CELSR1: variants seen among roughly 807,000 people sequenced by gnomAD.
CELSR1 encodes adhesion G protein-coupled receptor C1.
CELSR1 carries 110 observed loss-of-function variants against 249.1 expected under a neutral mutation model. That is an observed-to-expected ratio of 0.44 (90% CI 0.38 to 0.52). The LOEUF is 0.52. Ranked by LOEUF, CELSR1 falls within the 20% of genes least tolerant of loss-of-function variation. CELSR1 has a pLI of 0.00. For synonymous variants in CELSR1, 2,113 were observed against 1,900.0 expected, an observed-to-expected ratio of 1.11 and a Z score of -2.92; for missense variants, 4,109 against 4,296.4, an observed-to-expected ratio of 0.96 and a Z score of 1.22.
chr22:46,504,726 G>A (rs183334980), intron 1 of CELSR1, among the ~76,000 whole-genome samples: 46 of 152,148 alleles, frequency 3.0e-4, no homozygotes, highest in Non-Finnish European at 5.7e-4. Context: ...AAATATTCCC[G>A]AGGCCATTTG....
intron 5 of CELSR1, among the ~76,000 whole-genome samples, chr22:46,425,213 G>A (rs1021113407): frequency 2.6e-5 from 4 of 152,190 alleles, no homozygotes; most frequent in Admixed American, 2.6e-4. Flanking sequence ...AGGTTTCTGT[G>A]TCAACATGAA....
At chr22:46,530,464 G>A (rs887477130) in intron 1 of CELSR1, 1 of 151,936 alleles carries the variant, frequency 6.6e-6, no homozygotes, top group Non-Finnish European at 1.5e-5. Flanking sequence ...GCACATTCAA[G>A]GCTTGAGTTG....
intron 19 of CELSR1, among the ~76,000 whole-genome samples, chr22:46,385,457 T>C (rs1409950640): frequency 1.3e-5 from 2 of 152,144 alleles, no homozygotes; most frequent in Admixed American, 6.5e-5. Flanking sequence ...TACTTACACC[T>C]GTCTACAGTG....
chr22:46,398,480 T>G lies in CELSR1; in HGVS notation c.5526+44A>C. 1.4e-6 allele frequency: 2 copies of G among 1,429,646 alleles called. No individual in the cohort carries two copies. The highest frequency in any genetic ancestry group is 1.9e-6 in the Non-Finnish European group (2 of 1,036,574). The allele number at this position is 1,429,646 out of a possible 1,614,324, so 88.6% of individuals were successfully genotyped here. On this transcript the variant is annotated intron_variant, in intron 11 of 34. Coordinates refer to ENST00000674500, the MANE Select transcript of CELSR1 (RefSeq NM_001378328.1). The surrounding 1 kb of genome is among the most constrained non-coding windows in gnomAD (Gnocchi z 7.2). ...TGGTGCTGCCAGCCTCGGAGCTGCCTGTGAGGGGCAGGCCTCCCCCCGCCC... is the reference window on the plus strand; with the variant it reads ...TGGTGCTGCCAGCCTCGGAGCTGCCGGTGAGGGGCAGGCCTCCCCCCGCCC...
At chr22:46,379,012 C>T (rs2078949256) in intron 22 of CELSR1, among the ~76,000 whole-genome samples, 1 of 152,214 alleles carries the variant, frequency 6.6e-6, no homozygotes, top group African/African-American at 2.4e-5. Context: ...GTCAGGGCCT[C>T]CAAGGAGCAC....
rs1453407815 is a variant in CELSR1 at position 46,363,555 on chromosome 22, G to C, written c.9036-308C>G. The C allele has an allele frequency of 8.4e-6, 3 of 358,252 alleles. No individual in the cohort carries two copies. The highest frequency in any genetic ancestry group is 2.1e-5 in the African/African-American group (1 of 48,484). 22.2% of individuals were successfully genotyped at this position (358,252 alleles called of 1,614,324 possible). ...ATTCTGAAGACCTGGCTTCTCCCTT[G>C]TGAGTTTGGAGGGAGGGAGGGGCGA... On this transcript the variant is annotated intron_variant, in intron 34 of 34. Coordinates refer to ENST00000674500, the MANE Select transcript of CELSR1 (RefSeq NM_001378328.1). This position sits in a 1 kb window ranked among gnomAD's most constrained non-coding sequence, Gnocchi z 4.3.
Position 46,396,477 on chromosome 22 carries a change from A to T in CELSR1, c.5843+128T>A. 1 of 1,007,852 alleles carries T rather than the reference A, an allele frequency of 9.9e-7. No individual in the cohort carries two copies. Among genetic ancestry groups the T allele is most frequent in the Non-Finnish European group, 1.3e-6 (1 of 767,684 alleles). 62.4% of individuals were successfully genotyped at this position (1,007,852 alleles called of 1,614,324 possible). On this transcript the variant is annotated intron_variant, in intron 13 of 34. Transcript: ENST00000674500. This position sits in a 1 kb window ranked among gnomAD's most constrained non-coding sequence, Gnocchi z 6.4. The stretch of plus-strand genomic sequence containing the variant: ...ACTTAATTCATGCCAAATTAAAAAA[A>T]AATATGTCCCTGTTACCCAGAATCA...
chr22:46,489,266 C>T (rs1229146034), intron 1 of CELSR1, among the ~76,000 whole-genome samples: 1 of 151,988 alleles, frequency 6.6e-6, no homozygotes, highest in Non-Finnish European at 1.5e-5. Flanking sequence ...TGTCCTGGGG[C>T]ACCTTCCCCC....
Position 46,393,674 on chromosome 22 carries a change from G to C in CELSR1, c.5964+468C>G, listed in dbSNP as rs1454933763. Among the ~76,000 whole-genome samples the C allele has an allele frequency of 6.6e-6, 1 of 151,548 alleles. No individual in the cohort carries two copies. Among genetic ancestry groups the C allele is most frequent in the African/African-American group, 2.4e-5 (1 of 41,182 alleles). On this transcript the variant is annotated intron_variant, in intron 14 of 34. Coordinates refer to ENST00000674500, the MANE Select transcript of CELSR1 (RefSeq NM_001378328.1). The surrounding 1 kb of genome is among the most constrained non-coding windows in gnomAD (Gnocchi z 4.1). ...AATTGCTGGAACCCGGGAGGCGGAGGCTGCAGTGAGCCGAGATCGCACCAC... is the reference window on the plus strand; with the variant it reads ...AATTGCTGGAACCCGGGAGGCGGAGCCTGCAGTGAGCCGAGATCGCACCAC...
intron 1 of CELSR1, among the ~76,000 whole-genome samples, chr22:46,474,173 C>G (rs1458874442): frequency 6.6e-6 from 1 of 152,300 alleles, no homozygotes; most frequent in Non-Finnish European, 1.5e-5. Context: ...GTAAAGGGCG[C>G]AGCTCTGCCC....
In CELSR1 at chr22:46,534,531, G is replaced by C; in HGVS notation, c.2640C>G (p.Ile880Met). Residue 880 changes from isoleucine (I) to methionine (M), a missense_variant, in exon 1 of 35, where the codon ATC becomes ATG. This residue lies in a region of CELSR1 where 886 missense variants were observed against 896.5 expected (regional missense o/e 0.99). Transcript: ENST00000674500. This position sits in a 1 kb window ranked among gnomAD's most constrained non-coding sequence, Gnocchi z 9.7. ...PQKSDTTTLE[I>M]LILDANDNAP... ...CATTGTCATTGGCATCGAGGATGAG[G>C]ATCTCTAGGGTGGTGGTGTCTGATT... is the stretch of plus-strand genomic sequence containing the variant. The C allele has an allele frequency of 6.2e-7, 1 of 1,613,584 alleles. No homozygotes were observed. The highest frequency in any genetic ancestry group is 1.1e-5 in the South Asian group (1 of 91,082).
chr22:46,504,441 G>C (rs1286395428), intron 1 of CELSR1, among the ~76,000 whole-genome samples: 2 of 150,638 alleles, frequency 1.3e-5, no homozygotes, highest in African/African-American at 4.9e-5. Flanking sequence ...TTGAACCCAG[G>C]AGGCGGAGGC....
At chr22:46,422,273 T>C (rs1322638429) in intron 5 of CELSR1, among the ~76,000 whole-genome samples, 3 of 151,786 alleles carry the variant, frequency 2.0e-5, no homozygotes, top group Non-Finnish European at 2.9e-5. Flanking sequence ...GCCCGGCTAA[T>C]TTTTTTGTAT....
At chr22:46,476,686 G>A (rs372586996) in intron 1 of CELSR1, among the ~76,000 whole-genome samples, 1 of 151,470 alleles carries the variant, frequency 6.6e-6, no homozygotes, top group Admixed American at 6.6e-5. Context: ...AGCCAGACAC[G>A]AAAGGCCACA....
chr22:46,373,130 T>G, intron 24 of CELSR1, 73 bp from the exon 25 acceptor site: 6 of 1,426,530 alleles, frequency 4.2e-6, no homozygotes, highest in Admixed American at 2.4e-5. Flanking sequence ...GAGTGAGGGG[T>G]GGGGGATGGG....
At chr22:46,475,822 C>T (rs2080202646) in intron 1 of CELSR1, among the ~76,000 whole-genome samples, 1 of 152,074 alleles carries the variant, frequency 6.6e-6, no homozygotes. Flanking sequence ...AAGCTCATAT[C>T]CTAAGGCAGA....
rs1431960341 is a variant in CELSR1 at position 46,374,752 on chromosome 22, A to G, written c.7585-1695T>C. ...AGGGGTTTTGAGATGAAATCCGCAC[A>G]CTTCTCAGAGCCTTCCCAGACCAAT... On this transcript the variant is annotated intron_variant, in intron 24 of 34. Coordinates refer to ENST00000674500, the MANE Select transcript of CELSR1 (RefSeq NM_001378328.1). This position sits in a 1 kb window ranked among gnomAD's most constrained non-coding sequence, Gnocchi z 4.3. Among the ~76,000 whole-genome samples, 1 of 152,116 alleles carries G rather than the reference A, an allele frequency of 6.6e-6. No individual in the cohort carries two copies. Among genetic ancestry groups the G allele is most frequent in the Non-Finnish European group, 1.5e-5 (1 of 68,022 alleles).
In CELSR1 at chr22:46,527,983, T is replaced by C. The variant is rs1398691910; in HGVS notation, c.3544+5644A>G. On this transcript the variant is annotated intron_variant, in intron 1 of 34. Transcript: ENST00000674500. This position sits in a 1 kb window ranked among gnomAD's most constrained non-coding sequence, Gnocchi z 5.5. ...GATGGCGGGTACCTATAATCCCAGC[T>C]ACTTGGGAAGCTGAGGCAGCTGAGG... Among the ~76,000 whole-genome samples, 5 of 151,668 alleles carry C rather than the reference T, an allele frequency of 3.3e-5. No homozygotes were observed. Among genetic ancestry groups the C allele is most frequent in the Non-Finnish European group, 7.4e-5 (5 of 67,992 alleles).
chr22:46,453,563 G>A (rs1330529159), intron 2 of CELSR1, among the ~76,000 whole-genome samples: 2 of 152,184 alleles, frequency 1.3e-5, no homozygotes, highest in African/African-American at 4.8e-5. Context: ...CCAGAGGTGC[G>A]TGATTAACCT....
Sources: gnomAD v4.1 joint callset for allele counts (sites outside exome capture counted in the v4.1 genomes callset) on GRCh38, gnomAD v4.1.1 for gene constraint, gnomAD v4.1.1 regional missense constraint, Gnocchi (gnomAD v3.1) non-coding constraint, MANE v1.5 for transcripts, NCBI Gene and HGNC (gene_info 2026-07-23, HGNC 2026-07-21) for gene names.